Variants in PDE4D observed in about 807,000 individuals in gnomAD.
The protein encoded by PDE4D is phosphodiesterase 4D.
In PDE4D, 24 loss-of-function variants were observed where a neutral mutation model predicts 87.4. The observed-to-expected ratio is 0.27, with a 90% CI of 0.20 to 0.39. PDE4D has a LOEUF of 0.39. PDE4D is among the 10% of genes least tolerant of loss of function. The probability of loss-of-function intolerance (pLI) is 1.00; values close to 1 mark genes in which losing one functional copy is unlikely to be tolerated. For missense variants in PDE4D, 714 were observed against 1,041.0 expected (o/e 0.69, Z 4.32); for synonymous variants, 384 against 383.2 (o/e 1.00, Z -0.02).
intron 1 of PDE4D, among the ~76,000 whole-genome samples, chr5:59,725,574 C>T (rs1342149194): frequency 6.6e-6 from 1 of 152,100 alleles, no homozygotes; most frequent in Non-Finnish European, 1.5e-5. Flanking sequence ...GCAAATACAA[C>T]TATTAAGATC....
rs563964104 is a variant in PDE4D at position 59,601,346 on chromosome 5, C to T, written c.455+291822G>A. 1.1e-4 allele frequency among the ~76,000 whole-genome samples: 17 copies of T among 151,650 alleles called. 1 individual carries two copies. Among genetic ancestry groups the T allele is most frequent in the Non-Finnish European group, 2.5e-4 (17 of 67,946 alleles). On this transcript the variant is annotated intron_variant, in intron 1 of 14. Transcript: ENST00000340635. ...GTCACAGTAGAACTAATCCTCTTCC[C>T]GTGAAGGCAGGCCTCTGTTATTTCA...
intron 2 of PDE4D, among the ~76,000 whole-genome samples, chr5:59,214,238 A>G (rs1239045567): frequency 1.3e-5 from 2 of 152,146 alleles, no homozygotes; most frequent in Non-Finnish European, 2.9e-5. Flanking sequence ...TCAACAATAG[A>G]GTAATCAAGA....
At chr5:60,075,186 G>A (rs900172910) in intron 2 of PDE4D, among the ~76,000 whole-genome samples, 1 of 152,224 alleles carries the variant, frequency 6.6e-6, no homozygotes, top group South Asian at 2.1e-4. Context: ...TCTTTCAGGG[G>A]TTCTTGTAAG....
chr5:59,804,823 G>A (rs1052902070), intron 1 of PDE4D, among the ~76,000 whole-genome samples: 2 of 151,778 alleles, frequency 1.3e-5, no homozygotes, highest in Non-Finnish European at 2.9e-5. Context: ...ACAAAATCTC[G>A]CTCTGTCACC....
intron 1 of PDE4D, among the ~76,000 whole-genome samples, chr5:59,300,102 G>A (rs1357494747): frequency 9.1e-6 from 1 of 109,660 alleles, no homozygotes; most frequent in African/African-American, 3.4e-5. Flanking sequence ...ACAGAAAAAG[G>A]GTCTGTCTCA....
At chr5:59,455,451 G>C (rs1799772053) in intron 1 of PDE4D, among the ~76,000 whole-genome samples, 6 of 152,204 alleles carry the variant, frequency 3.9e-5, no homozygotes, top group Admixed American at 3.3e-4. Flanking sequence ...ATTGAGGTTT[G>C]GGAACCTCTG....
At chr5:60,225,283 T>TA (rs1363528693) in intron 1 of PDE4D, among the ~76,000 whole-genome samples, 3 of 152,076 alleles carry the variant, frequency 2.0e-5, no homozygotes, top group African/African-American at 7.2e-5. Flanking sequence ...TGAATTTTCT[T>TA]ACTTGCCTCG....
chr5:60,072,334 G>A (rs566953888), intron 2 of PDE4D, among the ~76,000 whole-genome samples: 9 of 152,078 alleles, frequency 5.9e-5, no homozygotes, highest in African/African-American at 1.7e-4. Flanking sequence ...GTCTGTTCAC[G>A]TCCTTTGCCC....
intron 1 of PDE4D, among the ~76,000 whole-genome samples, chr5:59,386,061 T>C (rs1192233762): frequency 6.6e-6 from 1 of 152,168 alleles, no homozygotes; most frequent in Non-Finnish European, 1.5e-5. Context: ...GGATAGGATG[T>C]GGGGAGGCAG....
intron 1 of PDE4D, among the ~76,000 whole-genome samples, chr5:60,342,298 G>T (rs13160580): frequency 6.6e-6 from 1 of 151,868 alleles, no homozygotes; most frequent in African/African-American, 2.4e-5. Context: ...TTCCCTTTAC[G>T]CTTTATTGTT....
chr5:60,048,276 T>G lies in PDE4D; in HGVS notation c.43-59559A>C, dbSNP rs891509414. On this transcript the variant is annotated intron_variant, in intron 2 of 16. Coordinates refer to the PDE4D transcript ENST00000502484. ...ATGTGTGTCTCTGCACGTGAGATGGTTTTCCTGATTACAGCACACTGATGG... is the reference window on the plus strand; with the variant it reads ...ATGTGTGTCTCTGCACGTGAGATGGGTTTCCTGATTACAGCACACTGATGG... Among the ~76,000 whole-genome samples the G allele has an allele frequency of 1.6e-4, 24 of 152,216 alleles. No homozygotes were observed. The East Asian group carries it at 1.7e-3, about 11-fold the overall frequency.
rs114173669 is a variant in PDE4D at position 59,943,423 on chromosome 5, A to G, written c.272+45065T>C. 9.2e-3 allele frequency among the ~76,000 whole-genome samples: 1,400 copies of G among 152,262 alleles called. 26 individuals carry two copies. Among genetic ancestry groups the G allele is most frequent in the African/African-American group, 0.032 (1,318 of 41,552 alleles). ...CATAGATATCTCTTACTCACCTTCT[A>G]AACTCTCTACTCTTCCATCAGACCC... is the stretch of plus-strand genomic sequence containing the variant. On this transcript the variant is annotated intron_variant, in intron 3 of 16. Coordinates refer to the PDE4D transcript ENST00000502484.
chr5:60,201,537 T>G (rs2149546413), intron 1 of PDE4D, among the ~76,000 whole-genome samples: 2 of 152,282 alleles, frequency 1.3e-5, no homozygotes, highest in East Asian at 3.9e-4. Context: ...CCTAATTATT[T>G]ATATAAAGTT....
intron 3 of PDE4D, among the ~76,000 whole-genome samples, chr5:59,931,246 G>A (rs1755880814): frequency 6.6e-6 from 1 of 152,132 alleles, no homozygotes; most frequent in South Asian, 2.1e-4. Flanking sequence ...TTATGCTTAT[G>A]ACCATTTCAT....
At chr5:60,359,049 G>C (rs1343015350) in intron 1 of PDE4D, among the ~76,000 whole-genome samples, 3 of 152,128 alleles carry the variant, frequency 2.0e-5, no homozygotes, top group Non-Finnish European at 2.9e-5. Flanking sequence ...TCTTCAGGTG[G>C]CTTCCATTCT....
intron 1 of PDE4D, among the ~76,000 whole-genome samples, chr5:59,403,142 TAGACAGACAGAC>T (rs58074813): frequency 1.6e-4 from 24 of 149,996 alleles, no homozygotes; most frequent in Non-Finnish European, 2.5e-4. Flanking sequence ...GGTAGGTAGG[TAGACAGACAGAC>T]AGACAGACAG....
chr5:59,625,108 G>C (rs914253552), intron 1 of PDE4D, among the ~76,000 whole-genome samples: 2 of 152,162 alleles, frequency 1.3e-5, no homozygotes, highest in African/African-American at 4.8e-5. Flanking sequence ...GATTATCAGG[G>C]TGGGTCTAAT....
intron 1 of PDE4D, among the ~76,000 whole-genome samples, chr5:59,485,417 TA>T (rs1330192881): frequency 6.6e-6 from 1 of 152,088 alleles, no homozygotes; most frequent in East Asian, 1.9e-4. Flanking sequence ...AAAAAAGATA[TA>T]CCCAGGAAAT....
chr5:59,168,352 C>G (rs1055841060), intron 5 of PDE4D, among the ~76,000 whole-genome samples: 1 of 152,140 alleles, frequency 6.6e-6, no homozygotes, highest in Non-Finnish European at 1.5e-5. Flanking sequence ...ACTGCGTTAC[C>G]CTGGTTCCTC....
Sources: gnomAD v4.1 joint callset for allele counts (sites outside exome capture counted in the v4.1 genomes callset) on GRCh38, gnomAD v4.1.1 for gene constraint, MANE v1.5 for transcripts, NCBI Gene and HGNC (gene_info 2026-07-23, HGNC 2026-07-21) for gene names.